Variants in TRAF3IP1 observed in about 807,000 individuals in gnomAD.
The protein encoded by TRAF3IP1 is intraflagellar transport 54.
Under a neutral mutation model 89.9 loss-of-function variants are expected in TRAF3IP1, and 53 were observed. That is an observed-to-expected ratio of 0.59 (90% CI 0.47 to 0.74). The LOEUF (loss-of-function observed/expected upper bound fraction) is 0.74, where lower values mean the gene tolerates loss of function less well. Ranked by LOEUF, TRAF3IP1 falls within the 30% of genes least tolerant of loss-of-function variation. The pLI is 0.00. For synonymous variants in TRAF3IP1, 311 were observed against 322.1 expected, an observed-to-expected ratio of 0.97 and a Z score of 0.37; for missense variants, 806 against 866.1, an observed-to-expected ratio of 0.93 and a Z score of 0.87.
In TRAF3IP1 at chr2:238,326,081, C is replaced by T. The variant is rs1697819276; in HGVS notation, c.354+111C>T. On this transcript the variant is annotated intron_variant, in intron 3 of 16. Coordinates refer to ENST00000373327, the MANE Select transcript of TRAF3IP1 (RefSeq NM_015650.4). ...TTTAGGGAAGGAGTTTCAGTGGTGTCTGTCAAACACTGTGCTTTGAATCTG... is the reference window on the plus strand; with the variant it reads ...TTTAGGGAAGGAGTTTCAGTGGTGTTTGTCAAACACTGTGCTTTGAATCTG... 3 of 982,928 alleles carry T rather than the reference C, an allele frequency of 3.1e-6. No homozygotes were observed. The Admixed American group carries it at 8.6e-5, about 28-fold the overall frequency. 60.9% of individuals were successfully genotyped at this position (982,928 alleles called of 1,614,324 possible). A position where few individuals can be genotyped will look rare whatever the true frequency, so the allele number is the denominator to read the frequency against.
intron 15 of TRAF3IP1, among the ~76,000 whole-genome samples, chr2:238,386,427 C>G (rs1394568385): frequency 1.3e-5 from 2 of 152,158 alleles, no homozygotes; most frequent in Non-Finnish European, 2.9e-5. Context: ...ATTCTCCTGC[C>G]TCAGCCTCCC....
In TRAF3IP1 at chr2:238,338,417, A is replaced by G; in HGVS notation, c.1119A>G (p.Ile373Met). The G allele has an allele frequency of 6.2e-7, 1 of 1,600,162 alleles. No homozygotes were observed. Among genetic ancestry groups the G allele is most frequent in the Non-Finnish European group, 8.5e-7 (1 of 1,174,736 alleles). Residue 373 changes from isoleucine (I) to methionine (M), a missense_variant, in exon 8 of 17, where the codon ATA (isoleucine) becomes ATG (methionine). By Grantham distance (10) the Ile-to-Met change is conservative. This residue lies in a region of TRAF3IP1 where 732 missense variants were observed against 780.5 expected (regional missense o/e 0.94). Coordinates refer to ENST00000373327, the MANE Select transcript of TRAF3IP1 (RefSeq NM_015650.4). ...GTTTAGACTCCATAGTGTCTGGAAT[A>G]AATAATGAGCCAAATCAGGAAACGA... ...AKSLDSIVSG[I>M]NNEPNQETTT...
intron 10 of TRAF3IP1, among the ~76,000 whole-genome samples, chr2:238,348,139 TGAA>T (rs1698985328): frequency 1.3e-5 from 2 of 152,008 alleles, no homozygotes; most frequent in South Asian, 4.1e-4. Flanking sequence ...TTTATCAAAA[TGAA>T]GAAAACTTTG....
chr2:238,330,891 A>G (rs779020222), intron 5 of TRAF3IP1, among the ~76,000 whole-genome samples: 4 of 152,208 alleles, frequency 2.6e-5, no homozygotes, highest in Non-Finnish European at 4.4e-5. Context: ...GATATGTGTC[A>G]TACCTGGCTT....
At chr2:238,370,900 C>G (rs548394173) in intron 15 of TRAF3IP1, among the ~76,000 whole-genome samples, 1 of 152,180 alleles carries the variant, frequency 6.6e-6, no homozygotes. Flanking sequence ...AGGGGAATTA[C>G]GGACATTTTT....
chr2:238,343,092 AT>A lies in TRAF3IP1; in HGVS notation c.1160-1392del, dbSNP rs201616700. On this transcript the variant is annotated intron_variant, in intron 8 of 16. Transcript: ENST00000373327. ...CTCTAGCCCCTCATCTGGGCCCCCT[AT>A]TTTTTTTTTTTTGAGACAGAGTCTG... 2.5e-3 allele frequency among the ~76,000 whole-genome samples: 358 copies of A among 142,546 alleles called. 2 individuals carry two copies. The highest frequency in any genetic ancestry group is 7.1e-3 in the African/African-American group (270 of 38,268). The allele number at this position is 142,546 out of a possible 152,430, so 93.5% of individuals were successfully genotyped here.
chr2:238,392,247 C>A (rs1701024612), intron 15 of TRAF3IP1, among the ~76,000 whole-genome samples: 1 of 152,116 alleles, frequency 6.6e-6, no homozygotes, highest in African/African-American at 2.4e-5. Flanking sequence ...ATACTGTATG[C>A]CTTTTGCCCA....
chr2:238,357,425 A>C (rs549720774), intron 15 of TRAF3IP1, among the ~76,000 whole-genome samples: 6 of 152,248 alleles, frequency 3.9e-5, no homozygotes, highest in African/African-American at 1.4e-4. Context: ...GCACACATAT[A>C]TGTATTTCTC....
At chr2:238,321,829 C>T (rs1350608076) in intron 1 of TRAF3IP1, among the ~76,000 whole-genome samples, 1 of 152,044 alleles carries the variant, frequency 6.6e-6, no homozygotes, top group African/African-American at 2.4e-5. Context: ...CATGACCTCA[C>T]CTGGTGATGG....
intron 15 of TRAF3IP1, among the ~76,000 whole-genome samples, chr2:238,387,209 C>T (rs1700808957): frequency 6.6e-6 from 1 of 152,202 alleles, no homozygotes; most frequent in South Asian, 2.1e-4. Context: ...GCAGTTAGCC[C>T]TCATCCTGTC....
chr2:238,384,448 C>T (rs1700679973), intron 15 of TRAF3IP1, among the ~76,000 whole-genome samples: 1 of 151,562 alleles, frequency 6.6e-6, no homozygotes, highest in South Asian at 2.1e-4. Flanking sequence ...TCTTGGCTTA[C>T]TGCAACCTCT....
At chr2:238,385,038 T>C (rs1013415108) in intron 15 of TRAF3IP1, among the ~76,000 whole-genome samples, 9 of 152,020 alleles carry the variant, frequency 5.9e-5, no homozygotes, top group Admixed American at 2.0e-4. Flanking sequence ...TTTTTTGAGA[T>C]GGACTCTCGC....
At chr2:238,365,292 T>A (rs757142163) in intron 15 of TRAF3IP1, among the ~76,000 whole-genome samples, 2 of 152,184 alleles carry the variant, frequency 1.3e-5, no homozygotes, top group Non-Finnish European at 2.9e-5. Context: ...TATTTTTAGT[T>A]TGGGTATTTT....
At chr2:238,369,281 G>A (rs1700008423) in intron 15 of TRAF3IP1, among the ~76,000 whole-genome samples, 1 of 152,188 alleles carries the variant, frequency 6.6e-6, no homozygotes, top group Non-Finnish European at 1.5e-5. Context: ...TTTAGAAGCA[G>A]GCAAAGCATT....
intron 7 of TRAF3IP1, among the ~76,000 whole-genome samples, chr2:238,335,165 C>T (rs1260646887): frequency 6.6e-6 from 1 of 152,150 alleles, no homozygotes; most frequent in Non-Finnish European, 1.5e-5. Context: ...TTCTGATTTG[C>T]CTAAGTGTTA....
chr2:238,386,125 A>G (rs1487751262), intron 15 of TRAF3IP1, among the ~76,000 whole-genome samples: 1 of 152,126 alleles, frequency 6.6e-6, no homozygotes, highest in Non-Finnish European at 1.5e-5. Flanking sequence ...TTGTCTTGGA[A>G]GAAAACTCAT....
chr2:238,393,072 A>C (rs988764322), intron 15 of TRAF3IP1, among the ~76,000 whole-genome samples: 2 of 152,236 alleles, frequency 1.3e-5, no homozygotes, highest in African/African-American at 4.8e-5. Flanking sequence ...CCAGGAGTAC[A>C]ACTGTTGGTT....
At chr2:238,338,109 C>T (rs60494142) in intron 7 of TRAF3IP1, among the ~76,000 whole-genome samples, 32 of 152,120 alleles carry the variant, frequency 2.1e-4, no homozygotes, top group African/African-American at 7.5e-4. Flanking sequence ...GGAGGATCAT[C>T]CTTGCAAAGG....
Position 238,345,660 on chromosome 2 carries a change from G to T in TRAF3IP1, c.1261+1062G>T, listed in dbSNP as rs765121486. Among the ~76,000 whole-genome samples, 1 of 152,188 alleles carries T rather than the reference G, an allele frequency of 6.6e-6. No individual in the cohort carries two copies. The highest frequency in any genetic ancestry group is 1.5e-5 in the Non-Finnish European group (1 of 68,030). On this transcript the variant is annotated intron_variant, in intron 9 of 16. Coordinates refer to ENST00000373327, the MANE Select transcript of TRAF3IP1 (RefSeq NM_015650.4). This position sits in a 1 kb window ranked among gnomAD's most constrained non-coding sequence, Gnocchi z 4.7. ...AGAGAGAGGCCTGGACTGTGGAGGC[G>T]CCCTGGGAGGGGAGAAGTGGTAGGA...
Sources: allele counts gnomAD v4.1 joint callset (sites outside exome capture counted in the v4.1 genomes callset), GRCh38; gene constraint gnomAD v4.1.1; regional missense constraint gnomAD v4.1.1; non-coding constraint Gnocchi (gnomAD v3.1); transcripts MANE v1.5; gene names NCBI Gene and HGNC (gene_info 2026-07-23, HGNC 2026-07-21).